Variants in CUX1 observed in about 807,000 individuals in gnomAD.
CUX1 encodes the protein protein CASP.
In CUX1, 31 loss-of-function variants were observed where a neutral mutation model predicts 158.8. The observed-to-expected ratio is 0.20, with a 90% confidence interval of 0.15 to 0.26. The LOEUF (loss-of-function observed/expected upper bound fraction) is 0.26. Among genes scored for constraint, CUX1 ranks in the 10% least tolerant of loss-of-function variants. The pLI, the probability that CUX1 is intolerant of heterozygous loss-of-function variation, is 1.00. For missense variants in CUX1, 1,589 were observed against 2,014.6 expected (o/e 0.79, Z 4.04); for synonymous variants, 879 against 862.1 (o/e 1.02, Z -0.34).
At chr7:101,820,275 T>A (rs530743145) in intron 1 of CUX1, among the ~76,000 whole-genome samples, 27 of 152,264 alleles carry the variant, frequency 1.8e-4, no homozygotes, top group African/African-American at 6.5e-4. Context: ...GAAGGACACG[T>A]TTGTTAGGGG....
At chr7:101,945,707 T>C (rs991922455) in intron 2 of CUX1, among the ~76,000 whole-genome samples, 18 of 152,214 alleles carry the variant, frequency 1.2e-4, no homozygotes, top group Admixed American at 1.0e-3. Context: ...GGATTCTGCA[T>C]GCAGGGCTGC....
At chr7:101,934,782 G>A (rs1331650102) in intron 2 of CUX1, among the ~76,000 whole-genome samples, 1 of 152,146 alleles carries the variant, frequency 6.6e-6, no homozygotes, top group Non-Finnish European at 1.5e-5. Context: ...AGGGAAAAAG[G>A]AGGTGTTTAT....
chr7:102,028,314 T>C (rs140452876), intron 3 of CUX1, among the ~76,000 whole-genome samples, 169 bp downstream of exon 3: 66 of 152,346 alleles, frequency 4.3e-4, no homozygotes, highest in African/African-American at 1.2e-3. Flanking sequence ...TGATTTTCCA[T>C]TGGGTCCTTG....
chr7:102,018,928 A>G (rs1819003081), intron 2 of CUX1, among the ~76,000 whole-genome samples: 1 of 152,148 alleles, frequency 6.6e-6, no homozygotes, highest in Non-Finnish European at 1.5e-5. Context: ...AAAGGCAAGT[A>G]ACAAGAATAG....
chr7:101,842,268 G>GA (rs952635515), intron 1 of CUX1, among the ~76,000 whole-genome samples: 3 of 152,060 alleles, frequency 2.0e-5, no homozygotes, highest in African/African-American at 2.4e-5. Context: ...TTTTTGAGTA[G>GA]AAAAAAACGT....
In CUX1 at chr7:102,249,344, A is replaced by C. The variant is rs1362791817; in HGVS notation, c.*302A>C. The C allele has an allele frequency of 9.9e-7, 1 of 1,008,198 alleles. No homozygotes were observed. The highest frequency in any genetic ancestry group is 1.2e-6 in the Non-Finnish European group (1 of 844,444). The allele number at this position is 1,008,198 out of a possible 1,614,324, so 62.5% of individuals were successfully genotyped here. The stretch of plus-strand genomic sequence containing the variant: ...GACCCCTGGACCGCTTTGCGCACTT[A>C]CCGCCCTGCGGGCCACAGGGCAAAA... On this transcript the variant is annotated 3_prime_UTR_variant, in exon 24 of 24. Coordinates refer to ENST00000292535, the MANE Select transcript of CUX1 (RefSeq NM_181552.4).
intron 1 of CUX1, among the ~76,000 whole-genome samples, chr7:101,889,713 A>G (rs1800651926): frequency 1.3e-5 from 2 of 152,202 alleles, no homozygotes; most frequent in Admixed American, 1.3e-4. Context: ...TGGAGGTTGC[A>G]GTCAGGCGAG....
chr7:102,135,392 A>G (rs1833787436), intron 8 of CUX1, among the ~76,000 whole-genome samples: 1 of 152,098 alleles, frequency 6.6e-6, no homozygotes, highest in African/African-American at 2.4e-5. Flanking sequence ...CTTCACATCA[A>G]GTAGGCCAAG....
Position 102,201,491 on chromosome 7 carries a change from C to T in CUX1, c.2194C>T (p.Pro732Ser), listed in dbSNP as rs781786269. 6.2e-7 allele frequency: 1 copy of T among 1,614,152 alleles called. No individual in the cohort carries two copies. Among genetic ancestry groups the T allele is most frequent in the South Asian group, 1.1e-5 (1 of 91,088 alleles). The change falls in exon 18 of 24, where the codon CCA becomes TCA. Residue 732 changes from proline to serine, a missense_variant. Around this residue, in one of 8 missense-constraint regions of CUX1, gnomAD observed 337 missense variants for 409.3 expected, o/e 0.82. Coordinates refer to ENST00000292535, the MANE Select transcript of CUX1 (RefSeq NM_181552.4). This position sits in a 1 kb window ranked among gnomAD's most constrained non-coding sequence, Gnocchi z 5.0. ...CCTCGACCCTGCCTTAAAGCAGGCACCACTGTCCCAGAGTGACATCACCAT... is the reference window on the plus strand; with the variant it reads ...CCTCGACCCTGCCTTAAAGCAGGCATCACTGTCCCAGAGTGACATCACCAT... ...AALDPALKQAPLSQSDITILT... is the reference protein window; with the variant it reads ...AALDPALKQASLSQSDITILT...
At position 102,201,868 on chromosome 7, in the gene CUX1, C is replaced by T. The variant is rs1563398913; in HGVS notation, c.2571C>T (p.Ser857=). ...GGGKEKGSGG[S]GGGSQPRAER... is the part of the protein sequence containing the mutation. ...GGAAAGAGAAGGGCAGCGGTGGCAG[C>T]GGAGGTGGCAGCCAGCCTCGGGCCG... Residue 857 remains serine (S), a synonymous_variant, in exon 18 of 24, where the codon AGC becomes AGT. Transcript: ENST00000292535. The surrounding 1 kb of genome is among the most constrained non-coding windows in gnomAD (Gnocchi z 5.0). 4.3e-6 allele frequency: 7 copies of T among 1,613,202 alleles called. No homozygotes were observed. The highest frequency in any genetic ancestry group is 1.7e-5 in the Admixed American group (1 of 59,990).
intron 14 of CUX1, among the ~76,000 whole-genome samples, chr7:102,272,837 C>T (rs1008715248): frequency 4.6e-5 from 7 of 152,182 alleles, no homozygotes; most frequent in African/African-American, 9.7e-5. Context: ...CTGTTGGGGG[C>T]GGGACCAAGC....
At chr7:102,023,891 G>C (rs1819689263) in intron 2 of CUX1, among the ~76,000 whole-genome samples, 1 of 152,134 alleles carries the variant, frequency 6.6e-6, no homozygotes, top group South Asian at 2.1e-4. Context: ...ATATCAAAAA[G>C]GTTATTTTTG....
At chr7:101,901,688 C>T (rs1275596608) in intron 1 of CUX1, among the ~76,000 whole-genome samples, 5 of 152,212 alleles carry the variant, frequency 3.3e-5, no homozygotes, top group Admixed American at 2.6e-4. Flanking sequence ...CGTATATGTC[C>T]CGGGCACACA....
intron 6 of CUX1, among the ~76,000 whole-genome samples, chr7:102,107,727 A>G (rs529014186): frequency 1.3e-5 from 2 of 152,302 alleles, no homozygotes; most frequent in Admixed American, 6.5e-5. Flanking sequence ...TACCTCCTAC[A>G]GCTTTTGCGG....
chr7:101,826,794 C>A (rs1296832889), intron 1 of CUX1, among the ~76,000 whole-genome samples: 1 of 152,068 alleles, frequency 6.6e-6, no homozygotes, highest in Non-Finnish European at 1.5e-5. Context: ...CTCTAGGGCT[C>A]CCCTCTGAGC....
In CUX1 at chr7:102,248,523, G is replaced by T. The variant is rs1554537839; in HGVS notation, c.3999G>T (p.Ser1333=). ...SARSGRAAPS[S]EGDSCDGVEA... ...GCAGCGGCCGGGCGGCGCCCAGCTC[G>T]GAGGGCGACAGCTGCGACGGCGTGG... is the stretch of plus-strand genomic sequence containing the variant. The change falls in exon 24 of 24, where the codon TCG becomes TCT. Residue 1333 remains serine (S), a synonymous_variant. Coordinates refer to ENST00000292535, the MANE Select transcript of CUX1 (RefSeq NM_181552.4). This position sits in a 1 kb window ranked among gnomAD's most constrained non-coding sequence, Gnocchi z 5.8. The T allele has an allele frequency of 2.6e-6, 4 of 1,533,472 alleles. No individual in the cohort carries two copies. The highest frequency in any genetic ancestry group is 3.5e-6 in the Non-Finnish European group (4 of 1,143,642). 95.0% of individuals were successfully genotyped at this position (1,533,472 alleles called of 1,614,324 possible). A position where few individuals can be genotyped will look rare whatever the true frequency, so the allele number is the denominator to read the frequency against.
chr7:102,197,439 T>G (rs1794909758), intron 15 of CUX1, 134 bp downstream of exon 15: 1 of 1,081,550 alleles, frequency 9.2e-7, no homozygotes, highest in African/African-American at 1.6e-5. Context: ...TCTCTTTGCT[T>G]CTGCCACGTC....
At chr7:101,926,686 G>A (rs952304931) in intron 2 of CUX1, among the ~76,000 whole-genome samples, 6 of 152,150 alleles carry the variant, frequency 3.9e-5, no homozygotes, top group East Asian at 1.9e-4. Flanking sequence ...GGAGTAGAAC[G>A]CATAACTAGT....
At chr7:102,182,171 G>A (rs1554514179) in intron 11 of CUX1, among the ~76,000 whole-genome samples, 3 of 152,154 alleles carry the variant, frequency 2.0e-5, no homozygotes, top group Non-Finnish European at 2.9e-5. Context: ...AGTTGCAGGT[G>A]GTTTTCCCAT....
Sources: gnomAD v4.1 joint callset for allele counts (sites outside exome capture counted in the v4.1 genomes callset) on GRCh38, gnomAD v4.1.1 for gene constraint, gnomAD v4.1.1 regional missense constraint, Gnocchi (gnomAD v3.1) non-coding constraint, MANE v1.5 for transcripts, NCBI Gene and HGNC (gene_info 2026-07-23, HGNC 2026-07-21) for gene names.